Variants in APOL5 observed in about 807,000 individuals in gnomAD.
APOL5 encodes the protein apolipoprotein L5, also known as apolipoprotein L, 5.
Under a neutral mutation model 35.5 loss-of-function variants are expected in APOL5, and 29 were observed. That is an observed-to-expected ratio of 0.82 (90% CI 0.61 to 1.11). The LOEUF (loss-of-function observed/expected upper bound fraction) is 1.11. APOL5 is among the 50% of genes most tolerant of loss of function. The pLI, the probability that APOL5 is intolerant of heterozygous loss-of-function variation, is 0.00. For synonymous variants in APOL5, 188 were observed against 200.2 expected (o/e 0.94, Z 0.51); for missense variants, 514 against 530.4 (o/e 0.97, Z 0.30).
intron 2 of APOL5, 126 bp from the exon 3 acceptor site, chr22:35,726,085 C>T: frequency 9.5e-7 from 1 of 1,057,988 alleles, no homozygotes; most frequent in Non-Finnish European, 1.4e-6. Context: ...AGGTCAGACC[C>T]CTTTCACTGC....
intron 2 of APOL5, among the ~76,000 whole-genome samples, chr22:35,723,807 C>T (rs1013424985): frequency 1.3e-5 from 2 of 152,122 alleles, no homozygotes; most frequent in Non-Finnish European, 2.9e-5. Flanking sequence ...ACTAAAAACA[C>T]AAAAATTAGC....
At chr22:35,725,984 A>G (rs1927139319) in intron 2 of APOL5, among the ~76,000 whole-genome samples, 2 of 152,208 alleles carry the variant, frequency 1.3e-5, no homozygotes, top group African/African-American at 4.8e-5. Context: ...AAGTTAAACT[A>G]TAAACTAAGT....
Position 35,726,418 on chromosome 22 carries a change from T to C in APOL5, c.350T>C (p.Ile117Thr). 2.5e-6 allele frequency: 4 copies of C among 1,614,132 alleles called. No individual in the cohort carries two copies. The highest frequency in any genetic ancestry group is 3.4e-6 in the Non-Finnish European group (4 of 1,180,040). ...PLHKFELEQN[I>T]KELNTLADQV... The stretch of plus-strand genomic sequence containing the variant: ...CACAAGTTTGAGCTAGAACAGAACA[T>C]CAAAGAACTTAACACCCTTGCGGAC... The change falls in exon 3 of 5, where the codon ATC (isoleucine) becomes ACC (threonine). Residue 117 changes from isoleucine to threonine, a missense_variant. Transcript: ENST00000249044.
rs750413929 is a variant in APOL5, at chr22:35,720,654, C to T, written c.142C>T (p.Pro48Ser). The part of the protein sequence containing the change: ...VWGKSPEPEF[P>S]SLVNLCQSWK... ...GGGGAAGTCCCCAGAACCTGAGTTC[C>T]GTGAGGGCAGAGAACAGGCTGTTAT... The change falls in exon 2 of 5, where the codon CCC becomes TCC. Residue 48 changes from proline to serine, a missense_variant and splice_region_variant. Physicochemically the swap from Pro to Ser is moderately conservative, Grantham distance 74 (BLOSUM62 -1). Coordinates refer to ENST00000249044, the MANE Select transcript of APOL5 (RefSeq NM_030642.1). The T allele has an allele frequency of 8.7e-6, 14 of 1,606,384 alleles. No individual in the cohort carries two copies. Among genetic ancestry groups the T allele is most frequent in the East Asian group, 2.2e-5 (1 of 44,828 alleles).
chr22:35,716,097 A>G (rs940145744), upstream of APOL5, among the ~76,000 whole-genome samples: 5 of 152,346 alleles, frequency 3.3e-5, no homozygotes, highest in African/African-American at 7.2e-5. Flanking sequence ...AAAAACTTAC[A>G]TAGAACCAAC....
the APOL5 span, among the ~76,000 whole-genome samples, chr22:35,709,785 T>TA: frequency 2.0e-4 from 31 of 151,912 alleles, no homozygotes; most frequent in South Asian, 5.6e-3. Context: ...TCTTTTTTTT[T>TA]AATAGTGTCT....
At chr22:35,728,369 G>A (rs1196378907) in intron 3 of APOL5, among the ~76,000 whole-genome samples, 3 of 151,998 alleles carry the variant, frequency 2.0e-5, no homozygotes, top group Admixed American at 1.3e-4. Flanking sequence ...GACTACAGGC[G>A]CCCGCCACGA....
chr22:35,709,479 C>CA, the APOL5 span, among the ~76,000 whole-genome samples: 12 of 152,314 alleles, frequency 7.9e-5, no homozygotes, highest in South Asian at 2.5e-3. Context: ...CTGAAGCCAA[C>CA]ATACTTGGTC....
the APOL5 span, among the ~76,000 whole-genome samples, chr22:35,712,554 G>C: frequency 2.0e-5 from 3 of 152,144 alleles, no homozygotes; most frequent in Non-Finnish European, 4.4e-5. Context: ...CTAATGATTA[G>C]AGGTGTTGGG....
rs150777255 is a variant in APOL5, at chr22:35,726,650, C to T, written c.582C>T (p.Ser194=). The T allele has an allele frequency of 4.3e-6, 7 of 1,614,072 alleles. No individual in the cohort carries two copies. The highest frequency in any genetic ancestry group is 5.1e-6 in the Non-Finnish European group (6 of 1,180,046). The change falls in exon 3 of 5, where the codon AGC becomes AGT. Residue 194 remains serine, a synonymous_variant. Coordinates refer to ENST00000249044, the MANE Select transcript of APOL5 (RefSeq NM_030642.1). ...NIVTNVLENR[S]NSAARDKASR... Reference sequence around the variant, plus strand: ...TAACAAATGTCTTAGAAAATAGAAGCAATTCAGCAGCAAGAGACAAAGCCA... The same window carrying T: ...TAACAAATGTCTTAGAAAATAGAAGTAATTCAGCAGCAAGAGACAAAGCCA...
In APOL5 at chr22:35,728,788, C is replaced by G. The variant is rs1327241791; in HGVS notation, c.1192C>G (p.Leu398Val). 1 of 1,613,586 alleles carries G rather than the reference C, an allele frequency of 6.2e-7. No homozygotes were observed. Among genetic ancestry groups the G allele is most frequent in the Non-Finnish European group, 8.5e-7 (1 of 1,179,800 alleles). ...GCCTAGGCTGGGCCCTGGCGTGGCA[C>G]TGAGGACACCAAAGAGGACAGTCTC... ...HQPRLGPGVA[L>V]RTPKRTVSAP... Residue 398 changes from leucine to valine, a missense_variant, in exon 4 of 5, where the codon CTG becomes GTG. Transcript: ENST00000249044.
chr22:35,725,021 C>T (rs935104280), intron 2 of APOL5, among the ~76,000 whole-genome samples: 1 of 152,162 alleles, frequency 6.6e-6, no homozygotes, highest in Non-Finnish European at 1.5e-5. Flanking sequence ...TAAAAACACA[C>T]GGCCACCCCC....
rs1343035087 is a variant in APOL5, at chr22:35,726,626, A to G, written c.558A>G (p.Val186=). The G allele has an allele frequency of 6.2e-7, 1 of 1,614,252 alleles. No individual in the cohort carries two copies. The highest frequency in any genetic ancestry group is 1.3e-5 in the African/African-American group (1 of 75,062). The part of the protein sequence containing the change: ...LGAAAAITNI[V]TNVLENRSNS... Reference sequence around the variant, plus strand: ...CAGCAGCTGCCATCACCAACATAGTAACAAATGTCTTAGAAAATAGAAGCA... The same window carrying G: ...CAGCAGCTGCCATCACCAACATAGTGACAAATGTCTTAGAAAATAGAAGCA... Residue 186 remains valine (V), a synonymous_variant, in exon 3 of 5, where the codon GTA becomes GTG. Transcript: ENST00000249044.
intron 1 of APOL5, among the ~76,000 whole-genome samples, chr22:35,720,142 A>G (rs538590164): frequency 6.6e-6 from 1 of 152,216 alleles, no homozygotes; most frequent in African/African-American, 2.4e-5. Context: ...AAAATGCAGC[A>G]TTTGGGAGCG....
At chr22:35,709,187 G>A in the APOL5 span, among the ~76,000 whole-genome samples, 4 of 152,140 alleles carry the variant, frequency 2.6e-5, no homozygotes, top group Admixed American at 1.3e-4. Context: ...CATGCAAAAC[G>A]TATGCATATG....
chr22:35,726,252 T>G lies in APOL5; in HGVS notation c.184T>G (p.Leu62Val). ...GTGCCAGAGTTGGAAAATTAACAAT[T>G]TGATGTCAACTGTCCACAGTGATGA... is the stretch of plus-strand genomic sequence containing the variant. ...NLCQSWKINNLMSTVHSDEAG... is the reference protein window; with the variant it reads ...NLCQSWKINNVMSTVHSDEAG... Residue 62 changes from leucine to valine, a missense_variant, in exon 3 of 5, where the codon TTG becomes GTG. Physicochemically the swap from Leu to Val is conservative, Grantham distance 32. This residue lies in a region of APOL5 where 254 missense variants were observed against 254.7 expected (regional missense o/e 1.00). Coordinates refer to ENST00000249044, the MANE Select transcript of APOL5 (RefSeq NM_030642.1). 6.2e-7 allele frequency: 1 copy of G among 1,612,176 alleles called. No homozygotes were observed.
upstream of APOL5, among the ~76,000 whole-genome samples, chr22:35,715,480 T>A (rs1300075476): frequency 6.6e-6 from 1 of 152,094 alleles, no homozygotes; most frequent in African/African-American, 2.4e-5. Context: ...ACCCCGTCTC[T>A]ACTAAGAATG....
chr22:35,728,211 C>A (rs1404844649), intron 3 of APOL5, among the ~76,000 whole-genome samples: 1 of 152,062 alleles, frequency 6.6e-6, no homozygotes, highest in Non-Finnish European at 1.5e-5. Context: ...GGATTTTAGA[C>A]CTTTTTTTTG....
At chr22:35,728,013 A>C (rs1230655655) in intron 3 of APOL5, among the ~76,000 whole-genome samples, 1 of 152,272 alleles carries the variant, frequency 6.6e-6, no homozygotes, top group African/African-American at 2.4e-5. Flanking sequence ...GTGAAGGCTC[A>C]AATGTTCATT....
Sources: allele counts gnomAD v4.1 joint callset (sites outside exome capture counted in the v4.1 genomes callset), GRCh38; gene constraint gnomAD v4.1.1; regional missense constraint gnomAD v4.1.1; transcripts MANE v1.5; gene names NCBI Gene and HGNC (gene_info 2026-07-23, HGNC 2026-07-21).